Variants in RASSF3 observed in about 807,000 individuals in gnomAD.
RASSF3 encodes the protein ras association domain-containing protein 3.
Under a neutral mutation model 19.9 loss-of-function variants are expected in RASSF3, and 19 were observed. That is an observed-to-expected ratio of 0.96 (90% CI 0.67 to 1.40). The LOEUF is 1.40. RASSF3 is among the 40% of genes most tolerant of loss of function. RASSF3 has a pLI of 0.00. For synonymous variants in RASSF3, 110 were observed against 104.2 expected (o/e 1.06, Z -0.34); for missense variants, 306 against 289.8 (o/e 1.06, Z -0.41).
intron 2 of RASSF3, among the ~76,000 whole-genome samples, chr12:64,570,080 C>G (rs908108392): frequency 1.3e-5 from 2 of 152,192 alleles, no homozygotes; most frequent in African/African-American, 2.4e-5. Flanking sequence ...TTGTGAACAA[C>G]TGTGGCTCAC....
intron 1 of RASSF3, among the ~76,000 whole-genome samples, chr12:64,644,391 GT>G (rs1378908395): frequency 1.1e-4 from 17 of 152,062 alleles, no homozygotes; most frequent in Non-Finnish European, 1.5e-5. Flanking sequence ...AATAGTATCT[GT>G]TTACATATCA....
At chr12:64,546,395 C>T (rs1008738589), downstream of RASSF3, among the ~76,000 whole-genome samples, 1 of 152,096 alleles carries the variant, frequency 6.6e-6, no homozygotes, top group Non-Finnish European at 1.5e-5. Context: ...CTCAGTCTCC[C>T]AAGTAACTGG....
At chr12:64,546,095 C>CAAAAAAAAAAAAAA (rs34666595), downstream of RASSF3, among the ~76,000 whole-genome samples, 1 of 59,542 alleles carries the variant, frequency 1.7e-5, no homozygotes, top group African/African-American at 6.6e-5. Flanking sequence ...GACTCCGTCT[C>CAAAAAAAAAAAAAA]AAAAAAAAAA....
chr12:64,570,037 T>G (rs548400806), intron 2 of RASSF3, among the ~76,000 whole-genome samples: 1 of 152,308 alleles, frequency 6.6e-6, no homozygotes, highest in South Asian at 2.1e-4. Flanking sequence ...CTGCCTATAA[T>G]GTATTTGACT....
chr12:64,611,015 G>A (rs2136152849), intron 1 of RASSF3, among the ~76,000 whole-genome samples: 1 of 152,234 alleles, frequency 6.6e-6, no homozygotes, highest in Admixed American at 6.5e-5. Flanking sequence ...CTCCGCCTCG[G>A]GCTGCCGCCT....
chr12:64,535,433 T>C (rs1029968630), intron 1 of RASSF3, among the ~76,000 whole-genome samples: 2 of 151,934 alleles, frequency 1.3e-5, no homozygotes, highest in African/African-American at 4.8e-5. Flanking sequence ...GGTGCAATCA[T>C]GGCACACTGC....
At chr12:64,589,682 C>T (rs982806075) in intron 2 of RASSF3, among the ~76,000 whole-genome samples, 1 of 151,740 alleles carries the variant, frequency 6.6e-6, no homozygotes, top group Non-Finnish European at 1.5e-5. Flanking sequence ...ACCTTTGAGG[C>T]CAAGGCAGGA....
At chr12:64,620,257 A>G (rs996216351) in intron 1 of RASSF3, among the ~76,000 whole-genome samples, 55 of 152,172 alleles carry the variant, frequency 3.6e-4, no homozygotes, top group African/African-American at 1.3e-3. Context: ...TTCATGTTGG[A>G]GTATGTGTCA....
intron 1 of RASSF3, among the ~76,000 whole-genome samples, chr12:64,522,641 A>T (rs1200854492): frequency 1.3e-5 from 2 of 152,168 alleles, no homozygotes; most frequent in Non-Finnish European, 2.9e-5. Context: ...TTGAGAGTTG[A>T]TTCATATAAG....
At chr12:64,641,257 G>A (rs909653823) in intron 1 of RASSF3, among the ~76,000 whole-genome samples, 6 of 151,504 alleles carry the variant, frequency 4.0e-5, no homozygotes, top group African/African-American at 1.2e-4. Context: ...CTAGCTGGGC[G>A]TGGTGGTGTG....
At position 64,696,296 on chromosome 12, in the gene RASSF3, TAACCACAC is replaced by T. The variant is rs1868363735; in HGVS notation, c.*1388_*1395del. ...AAAGGGAGGAAAGTCCACACCCAGC[TAACCACAC>T]AACAGGGCTTCATTATGGAAATATT... is the stretch of plus-strand genomic sequence containing the variant. On this transcript the variant is annotated 3_prime_UTR_variant, in exon 5 of 5. Transcript: ENST00000542104. 1 of 152,064 alleles carries T rather than the reference TAACCACAC, an allele frequency of 6.6e-6. No individual in the cohort carries two copies. Among genetic ancestry groups the T allele is most frequent in the Non-Finnish European group, 1.5e-5 (1 of 68,022 alleles). The allele number at this position is 152,064 out of a possible 1,614,324, so 9.4% of individuals were successfully genotyped here.
At chr12:64,661,846 A>G (rs1872375794) in intron 1 of RASSF3, among the ~76,000 whole-genome samples, 1 of 151,398 alleles carries the variant, frequency 6.6e-6, no homozygotes, top group Admixed American at 6.6e-5. Flanking sequence ...ACGCCTGGCT[A>G]ATTTTTATAT....
At chr12:64,512,052 G>C (rs1868331632) in intron 1 of RASSF3, among the ~76,000 whole-genome samples, 3 of 152,172 alleles carry the variant, frequency 2.0e-5, no homozygotes, top group South Asian at 4.1e-4. Context: ...AGAGAAAGGA[G>C]GGGGGCTGCT....
At chr12:64,639,009 A>G (rs1049057459) in intron 1 of RASSF3, among the ~76,000 whole-genome samples, 1 of 152,214 alleles carries the variant, frequency 6.6e-6, no homozygotes, top group Non-Finnish European at 1.5e-5. Context: ...TTATAATCCA[A>G]GGCCTGGAAC....
At chr12:64,638,791 A>G (rs960877507) in intron 1 of RASSF3, among the ~76,000 whole-genome samples, 1 of 152,058 alleles carries the variant, frequency 6.6e-6, no homozygotes, top group Non-Finnish European at 1.5e-5. Flanking sequence ...GTTTTCTTCT[A>G]TAGGTTGTTT....
At chr12:64,560,318 C>T (rs1011336196) in intron 2 of RASSF3, among the ~76,000 whole-genome samples, 6 of 152,238 alleles carry the variant, frequency 3.9e-5, no homozygotes, top group African/African-American at 1.4e-4. Flanking sequence ...AGTTCTTCCA[C>T]TGCAGGAGAG....
At chr12:64,686,773 G>A (rs1019710318) in intron 2 of RASSF3, among the ~76,000 whole-genome samples, 13 of 152,234 alleles carry the variant, frequency 8.5e-5, no homozygotes, top group African/African-American at 3.1e-4. Flanking sequence ...GCTGCAGTGA[G>A]CTGTGTTCGT....
intron 2 of RASSF3, among the ~76,000 whole-genome samples, chr12:64,685,471 C>A (rs536898377): frequency 6.6e-6 from 1 of 152,232 alleles, no homozygotes; most frequent in South Asian, 2.1e-4. Flanking sequence ...TCTCAAATTC[C>A]TTGGCTCAAG....
intron 2 of RASSF3, among the ~76,000 whole-genome samples, chr12:64,598,835 A>C (rs548488002): frequency 5.3e-5 from 8 of 151,594 alleles, no homozygotes; most frequent in South Asian, 2.1e-4. Flanking sequence ...GTGTGCTGCA[A>C]CCATTAACTC....
Sources: gnomAD v4.1 joint callset for allele counts (sites outside exome capture counted in the v4.1 genomes callset) on GRCh38, gnomAD v4.1.1 for gene constraint, MANE v1.5 for transcripts, NCBI Gene and HGNC (gene_info 2026-07-23, HGNC 2026-07-21) for gene names.